The following FOXP2 variants were observed in gnomAD, a reference collection of about 807,000 sequenced individuals.
FOXP2 encodes the protein forkhead box P2.
A neutral mutation model predicts 115.8 loss-of-function variants in FOXP2; 12 were observed. The observed-to-expected ratio is 0.10, with a 90% CI of 0.07 to 0.17. The LOEUF (loss-of-function observed/expected upper bound fraction) is 0.17. Ranked by LOEUF, FOXP2 falls within the 10% of genes least tolerant of loss-of-function variation. The probability of loss-of-function intolerance (pLI) is 1.00; values close to 1 mark genes in which losing one functional copy is unlikely to be tolerated. For synonymous variants in FOXP2, 328 were observed against 297.7 expected, an observed-to-expected ratio of 1.10 and a Z score of -1.05; for missense variants, 629 against 843.5, an observed-to-expected ratio of 0.75 and a Z score of 3.15.
At chr7:114,597,102 C>A (rs1802763475) in intron 3 of FOXP2, among the ~76,000 whole-genome samples, 1 of 152,034 alleles carries the variant, frequency 6.6e-6, no homozygotes, top group Non-Finnish European at 1.5e-5. Flanking sequence ...TGATGTAAAT[C>A]ATGTATTTTA....
chr7:114,316,394 G>A (rs746353750), intron 2 of FOXP2, among the ~76,000 whole-genome samples: 5 of 152,170 alleles, frequency 3.3e-5, no homozygotes, highest in African/African-American at 1.2e-4. Context: ...CAGTGTGAAA[G>A]GCACTGTTGT....
chr7:114,106,009 A>G (rs965876073), intron 1 of FOXP2, among the ~76,000 whole-genome samples: 1 of 151,986 alleles, frequency 6.6e-6, no homozygotes, highest in African/African-American at 2.4e-5. Context: ...TTGCTTCTGT[A>G]GTTTTTTGCA....
rs147091351 is a variant in FOXP2, at chr7:114,328,342, T to C, written c.-11+40233T>C. ...AGCTCCGCCTCCTGGATTCACGCCA[T>C]TCTCCTGCCTCAGCCTCCCAAGTAG... is the stretch of plus-strand genomic sequence containing the variant. On this transcript the variant is annotated intron_variant, in intron 2 of 17. Coordinates refer to the FOXP2 transcript ENST00000634411. 9.4e-3 allele frequency among the ~76,000 whole-genome samples: 1,409 copies of C among 150,672 alleles called. 18 individuals carry two copies. The highest frequency in any genetic ancestry group is 0.032 in the African/African-American group (1,309 of 41,058).
At chr7:114,544,181 G>A (rs941365514) in intron 3 of FOXP2, among the ~76,000 whole-genome samples, 1 of 152,058 alleles carries the variant, frequency 6.6e-6, no homozygotes, top group African/African-American at 2.4e-5. Flanking sequence ...AGGGAATAGG[G>A]AAAGGCCGTG....
chr7:114,252,273 C>T (rs1562837257), intron 1 of FOXP2, among the ~76,000 whole-genome samples: 1 of 152,004 alleles, frequency 6.6e-6, no homozygotes, highest in Non-Finnish European at 1.5e-5. Context: ...TGTGTGTCTG[C>T]CAGGCTTTGG....
intron 3 of FOXP2, among the ~76,000 whole-genome samples, chr7:114,570,153 T>C (rs1034275056): frequency 6.6e-6 from 1 of 151,926 alleles, no homozygotes; most frequent in Non-Finnish European, 1.5e-5. Flanking sequence ...CTTTTACAGA[T>C]AAAAATGCAA....
At chr7:114,590,917 T>C (rs1163804782) in intron 3 of FOXP2, among the ~76,000 whole-genome samples, 2 of 152,026 alleles carry the variant, frequency 1.3e-5, no homozygotes, top group African/African-American at 2.4e-5. Flanking sequence ...GTACTTTTTC[T>C]GGGGAAGGCA....
At chr7:114,192,654 C>G (rs1320664937) in intron 1 of FOXP2, among the ~76,000 whole-genome samples, 5 of 152,172 alleles carry the variant, frequency 3.3e-5, no homozygotes, top group Admixed American at 3.3e-4. Flanking sequence ...TCAGTTGTAA[C>G]TTGTATTTCA....
At chr7:114,629,262 A>G (rs1389449180) in intron 4 of FOXP2, among the ~76,000 whole-genome samples, 1 of 152,200 alleles carries the variant, frequency 6.6e-6, no homozygotes, top group Non-Finnish European at 1.5e-5. Flanking sequence ...CCCTGAGTGT[A>G]TATAGACTTT....
chr7:114,543,303 T>G (rs796646035), intron 3 of FOXP2, among the ~76,000 whole-genome samples: 111 of 152,246 alleles, frequency 7.3e-4, no homozygotes, highest in Middle Eastern at 3.4e-3. Flanking sequence ...TAAGAACTAA[T>G]TATAGTAGAA....
chr7:114,389,123 T>C (rs1792526050), intron 2 of FOXP2, among the ~76,000 whole-genome samples: 1 of 152,248 alleles, frequency 6.6e-6, no homozygotes, highest in African/African-American at 2.4e-5. Flanking sequence ...TATTCCTTCA[T>C]ATCATAGGTA....
intron 16 of FOXP2, chr7:114,667,538 G>A (rs2129344134): frequency 6.6e-6 from 1 of 152,204 alleles, no homozygotes; most frequent in Non-Finnish European, 1.5e-5. Context: ...TTTAGGCAAT[G>A]AACAACTCAA....
intron 1 of FOXP2, among the ~76,000 whole-genome samples, chr7:114,260,336 A>G (rs1157543352): frequency 1.3e-5 from 2 of 152,134 alleles, no homozygotes; most frequent in Non-Finnish European, 2.9e-5. Context: ...GATGGAATAT[A>G]TCAGAAATGA....
At chr7:114,167,879 T>A (rs543794001) in intron 1 of FOXP2, among the ~76,000 whole-genome samples, 14 of 144,374 alleles carry the variant, frequency 9.7e-5, no homozygotes, top group Admixed American at 3.0e-4. Context: ...GAGGTTGCAG[T>A]GAGCCGAGAT....
chr7:114,576,847 CCTGT>C lies in FOXP2; in HGVS notation c.258+42144_258+42147del, dbSNP rs879311972. ...GTATTTACTATTTGTATTTCTGTTC[CCTGT>C]CTATTTCCACATCATCTTATTTAGC... On this transcript the variant is annotated intron_variant, in intron 3 of 16. Coordinates refer to ENST00000350908, the MANE Select transcript of FOXP2 (RefSeq NM_014491.4). Among the ~76,000 whole-genome samples the C allele has an allele frequency of 2.6e-5, 4 of 151,804 alleles. No homozygotes were observed. In the South Asian group the frequency reaches 6.2e-4, roughly 24 times the overall value.
At chr7:114,297,742 G>A (rs1323904927) in intron 2 of FOXP2, among the ~76,000 whole-genome samples, 2 of 152,058 alleles carry the variant, frequency 1.3e-5, no homozygotes, top group Non-Finnish European at 2.9e-5. Flanking sequence ...CAATTTCAGG[G>A]TTCGGGTTGT....
intron 2 of FOXP2, among the ~76,000 whole-genome samples, chr7:114,434,287 G>T (rs1295454427): frequency 6.6e-6 from 1 of 151,802 alleles, no homozygotes; most frequent in East Asian, 1.9e-4. Context: ...AATAAATAAA[G>T]AGGTGAATAA....
At chr7:114,098,241 T>C (rs984237145) in intron 1 of FOXP2, among the ~76,000 whole-genome samples, 4 of 152,142 alleles carry the variant, frequency 2.6e-5, no homozygotes, top group African/African-American at 9.7e-5. Context: ...CATATGAACA[T>C]GAAGGAGGGA....
At chr7:114,412,098 T>C (rs1252224894), upstream of FOXP2, among the ~76,000 whole-genome samples, 2 of 152,108 alleles carry the variant, frequency 1.3e-5, no homozygotes, top group African/African-American at 2.4e-5. Context: ...AAAAATATTT[T>C]TAAAGATTTG....
Sources: gnomAD v4.1 joint callset for allele counts (sites outside exome capture counted in the v4.1 genomes callset) on GRCh38, gnomAD v4.1.1 for gene constraint, MANE v1.5 for transcripts, NCBI Gene and HGNC (gene_info 2026-07-23, HGNC 2026-07-21) for gene names.